The following AFMID variants were observed in gnomAD, a reference collection of about 807,000 sequenced individuals.
AFMID encodes arylformamidase, also known as kynurenine formamidase.
AFMID carries 39 observed loss-of-function variants against 47.5 expected under a neutral mutation model. The ratio of observed to expected loss-of-function variants is 0.82; its 90% CI spans 0.64 to 1.07. The LOEUF (loss-of-function observed/expected upper bound fraction) is 1.07. Among genes scored for constraint, AFMID ranks in the 50% least tolerant of loss-of-function variants. The pLI is 0.00. For missense variants in AFMID, 375 were observed against 387.5 expected, an observed-to-expected ratio of 0.97 and a Z score of 0.27; for synonymous variants, 130 against 153.2, an observed-to-expected ratio of 0.85 and a Z score of 1.12.
intron 10 of AFMID, among the ~76,000 whole-genome samples, chr17:78,206,572 AATT>A (rs1236144068): frequency 1.1e-5 from 1 of 89,508 alleles, no homozygotes; most frequent in Non-Finnish European, 2.1e-5. Context: ...GTGCCCTGCT[AATT>A]ATTCAATGTT....
rs1247159113 is a variant in AFMID, at chr17:78,191,024, G to A, written c.118G>A (p.Glu40Lys). 6.2e-7 allele frequency: 1 copy of A among 1,614,114 alleles called. No homozygotes were observed. The highest frequency in any genetic ancestry group is 8.5e-7 in the Non-Finnish European group (1 of 1,180,010). The change falls in exon 2 of 11, where the codon GAA becomes AAA. Residue 40 changes from glutamate (E) to lysine (K), a missense_variant. Coordinates refer to ENST00000409257, the MANE Select transcript of AFMID (RefSeq NM_001010982.5). ...ATGGGTTGTCCGACTGGGAGCAGAGGAAGCCTTGAGGACCTACTCACAGAT... is the reference window on the plus strand; with the variant it reads ...ATGGGTTGTCCGACTGGGAGCAGAGAAAGCCTTGAGGACCTACTCACAGAT... ...SRWVVRLGAE[E>K]ALRTYSQIGI...
At chr17:78,202,258 A>AAT (rs542326531) in intron 2 of AFMID, among the ~76,000 whole-genome samples, 9,522 of 147,382 alleles carry the variant, frequency 0.065, 404 homozygotes, top group Non-Finnish European at 0.093. Flanking sequence ...TCTACTAAAA[A>AAT]ATATATATAT....
intron 2 of AFMID, among the ~76,000 whole-genome samples, chr17:78,191,924 G>C (rs893938644): frequency 6.6e-6 from 1 of 152,076 alleles, no homozygotes; most frequent in African/African-American, 2.4e-5. Context: ...TTGACCTCGT[G>C]ATCTGGCTGC....
Position 78,196,678 on chromosome 17 carries a change from C to T in AFMID, c.154+5618C>T, listed in dbSNP as rs114913754. The stretch of plus-strand genomic sequence containing the variant: ...TGGGCAACAAAGAATGAAACTCCAT[C>T]TGAAAAAAAAAACCCAGAAATTATT... On this transcript the variant is annotated intron_variant, in intron 2 of 10. Coordinates refer to ENST00000409257, the MANE Select transcript of AFMID (RefSeq NM_001010982.5). Among the ~76,000 whole-genome samples the T allele has an allele frequency of 6.8e-3, 1,031 of 151,634 alleles. 17 individuals are homozygous for T. Among genetic ancestry groups the T allele is most frequent in the African/African-American group, 0.024 (984 of 41,368 alleles).
chr17:78,197,012 T>C, intron 2 of AFMID: 1 of 765,900 alleles, frequency 1.3e-6, no homozygotes, highest in Non-Finnish European at 2.2e-6. Flanking sequence ...TAGAGTTTTT[T>C]AATATCTGAG....
At chr17:78,188,101 G>A (rs1327741612) in intron 1 of AFMID, among the ~76,000 whole-genome samples, 1 of 151,814 alleles carries the variant, frequency 6.6e-6, no homozygotes, top group Non-Finnish European at 1.5e-5. Context: ...CAGAACAGCT[G>A]GTATTTACAT....
At chr17:78,205,033 G>A (rs771727228) in intron 6 of AFMID, 60 bp from the exon 7 acceptor site, 4 of 1,564,424 alleles carry the variant, frequency 2.6e-6, no homozygotes, top group South Asian at 1.1e-5. Context: ...TCTTCGAAGG[G>A]GGCCTGATGT....
In AFMID at chr17:78,206,950, T is replaced by C. The variant is rs1006525741; in HGVS notation, c.*13T>C. On this transcript the variant is annotated 3_prime_UTR_variant, in exon 11 of 11. Transcript: ENST00000409257. ...AATCTTCCAGTAGTTCTGACGATAC[T>C]TGGAGCCTGGTCCACGTGCATCCCA... The C allele has an allele frequency of 5.6e-6, 9 of 1,613,820 alleles. No homozygotes were observed. The highest frequency in any genetic ancestry group is 5.3e-5 in the African/African-American group (4 of 74,918).
At chr17:78,206,890 T>C (rs2076398230) in intron 10 of AFMID, 21 bp from the exon 11 acceptor site, 2 of 1,613,770 alleles carry the variant, frequency 1.2e-6, no homozygotes, top group South Asian at 2.2e-5. Context: ...GGGGCTTTTG[T>C]GTCTTCTCTT....
chr17:78,206,948 A>G lies in AFMID; in HGVS notation c.*11A>G. The G allele has an allele frequency of 6.2e-7, 1 of 1,613,916 alleles. No homozygotes were observed. Among genetic ancestry groups the G allele is most frequent in the Non-Finnish European group, 8.5e-7 (1 of 1,179,902 alleles). Reference sequence around the variant, plus strand: ...ACAATCTTCCAGTAGTTCTGACGATACTTGGAGCCTGGTCCACGTGCATCC... The same window carrying G: ...ACAATCTTCCAGTAGTTCTGACGATGCTTGGAGCCTGGTCCACGTGCATCC... On this transcript the variant is annotated 3_prime_UTR_variant, in exon 11 of 11. Transcript: ENST00000409257.
intron 2 of AFMID, among the ~76,000 whole-genome samples, chr17:78,193,975 C>CA (rs35735703): frequency 0.28 from 36,226 of 127,702 alleles, 6,224 homozygotes; most frequent in East Asian, 0.54. Context: ...GACTCCATCT[C>CA]AAAAAAAAAA....
chr17:78,201,293 C>CAA (rs200594725), intron 2 of AFMID, among the ~76,000 whole-genome samples: 39 of 117,966 alleles, frequency 3.3e-4, no homozygotes, highest in South Asian at 1.4e-3. Context: ...GACTCCGTCG[C>CAA]AAAAAAAAAA....
intron 4 of AFMID, chr17:78,203,014 C>A: frequency 9.2e-6 from 4 of 432,506 alleles, no homozygotes; most frequent in East Asian, 4.2e-5. Context: ...CCTCCATTCA[C>A]ATGTGATCCT....
intron 10 of AFMID, 100 bp from the exon 11 acceptor site, chr17:78,206,811 C>T (rs191002056): frequency 1.1e-4 from 151 of 1,350,920 alleles, no homozygotes; most frequent in East Asian, 1.0e-3. Flanking sequence ...GGGTTGCAGA[C>T]GTGAGCCACT....
At chr17:78,200,596 CG>C (rs145214936) in intron 2 of AFMID, among the ~76,000 whole-genome samples, 12,635 of 152,132 alleles carry the variant, frequency 0.083, 1,346 homozygotes, top group African/African-American at 0.24. Context: ...CACGTGAAGA[CG>C]GAGGCAGAGA....
intron 4 of AFMID, 37 bp downstream of exon 4, chr17:78,202,788 G>C: frequency 6.4e-7 from 1 of 1,550,690 alleles, no homozygotes; most frequent in Non-Finnish European, 8.7e-7. Context: ...CTGCAAGAGA[G>C]ATTCCACTTT....
Position 78,191,007 on chromosome 17 carries a change from T to C in AFMID, c.101T>C (p.Val34Ala). The change falls in exon 2 of 11, where the codon GTC becomes GCC. Residue 34 changes from valine to alanine, a missense_variant. Val to Ala is a moderately conservative substitution (Grantham distance 64, BLOSUM62 0). Transcript: ENST00000409257. ...ENQYCPSRWV[V>A]RLGAEEALRT... ...CAGTACTGTCCCAGCCGATGGGTTG[T>C]CCGACTGGGAGCAGAGGAAGCCTTG... 1.2e-6 allele frequency: 2 copies of C among 1,614,060 alleles called. No individual in the cohort carries two copies. Among genetic ancestry groups the C allele is most frequent in the Non-Finnish European group, 1.7e-6 (2 of 1,179,994 alleles).
chr17:78,202,352 C>T lies in AFMID; in HGVS notation c.155-147C>T, dbSNP rs998010649. 42 of 668,034 alleles carry T rather than the reference C, an allele frequency of 6.3e-5. No homozygotes were observed. The East Asian group carries it at 9.2e-4, about 15-fold the overall frequency. 41.4% of individuals were successfully genotyped at this position (668,034 alleles called of 1,614,324 possible). On this transcript the variant is annotated intron_variant, in intron 2 of 10. Coordinates refer to ENST00000409257, the MANE Select transcript of AFMID (RefSeq NM_001010982.5). ...GCTGAGGCAGGAGAATCGCTTGAACCGGGGAGGTGGAGATTGCAGTGAGCC... is the reference window on the plus strand; with the variant it reads ...GCTGAGGCAGGAGAATCGCTTGAACTGGGGAGGTGGAGATTGCAGTGAGCC...
chr17:78,195,039 T>A (rs1207166157), intron 2 of AFMID, among the ~76,000 whole-genome samples: 2 of 152,204 alleles, frequency 1.3e-5, no homozygotes, highest in African/African-American at 4.8e-5. Context: ...ATATATTTTT[T>A]ATCCAGATAC....
Sources: allele counts gnomAD v4.1 joint callset (sites outside exome capture counted in the v4.1 genomes callset), GRCh38; gene constraint gnomAD v4.1.1; transcripts MANE v1.5; gene names NCBI Gene and HGNC (gene_info 2026-07-23, HGNC 2026-07-21).